Variants in ANGPT1 observed in about 807,000 individuals in gnomAD.
ANGPT1 encodes the protein angiopoietin-1.
Under a neutral mutation model 62.2 loss-of-function variants are expected in ANGPT1, and 17 were observed. The ratio of observed to expected loss-of-function variants is 0.27; its 90% CI spans 0.19 to 0.41. ANGPT1 has a LOEUF of 0.41. Among genes scored for constraint, ANGPT1 ranks in the 10% least tolerant of loss-of-function variants. The probability of loss-of-function intolerance (pLI) is 1.00; values close to 1 mark genes in which losing one functional copy is unlikely to be tolerated. For missense variants in ANGPT1, 478 were observed against 594.9 expected (o/e 0.80, Z 2.04); for synonymous variants, 199 against 198.9 (o/e 1.00, Z 0.00).
chr8:107,273,351 C>G (rs1020479299), intron 7 of ANGPT1, among the ~76,000 whole-genome samples: 1 of 152,042 alleles, frequency 6.6e-6, no homozygotes, highest in African/African-American at 2.4e-5. Flanking sequence ...CCTTGTTGTA[C>G]TTGGACATTG....
chr8:107,422,431 A>T (rs1810917279), intron 1 of ANGPT1, among the ~76,000 whole-genome samples: 1 of 152,194 alleles, frequency 6.6e-6, no homozygotes, highest in Admixed American at 6.5e-5. Context: ...GTGTTCACAG[A>T]ATAACTTTCA....
intron 1 of ANGPT1, among the ~76,000 whole-genome samples, chr8:107,373,257 C>T (rs1816451687): frequency 1.5e-5 from 2 of 131,302 alleles, no homozygotes; most frequent in Admixed American, 1.8e-4. Flanking sequence ...TATTTTTAGT[C>T]AAGTACAAAA....
chr8:107,321,869 A>G, intron 4 of ANGPT1, 27 bp downstream of exon 4: 1 of 1,590,270 alleles, frequency 6.3e-7, no homozygotes. Context: ...AATATTAACA[A>G]TACCAAAGTG....
chr8:107,360,446 C>T (rs940853955), intron 1 of ANGPT1, among the ~76,000 whole-genome samples: 1 of 152,096 alleles, frequency 6.6e-6, no homozygotes, highest in African/African-American at 2.4e-5. Flanking sequence ...CTTTGATGCC[C>T]GGGTCACTCT....
chr8:107,350,598 C>T (rs1815912011), intron 1 of ANGPT1, among the ~76,000 whole-genome samples: 1 of 152,108 alleles, frequency 6.6e-6, no homozygotes, highest in African/African-American at 2.4e-5. Context: ...TAAAGTGCCT[C>T]TCAGTTCTGC....
At position 107,288,833 on chromosome 8, in the gene ANGPT1, G is replaced by A. The variant is rs1435686048; in HGVS notation, c.1039-3985C>T. ...AATTCATATTCATGCCTAAAAGACA[G>A]AGTCAACCAATGCATATGCTCCAAA... On this transcript the variant is annotated intron_variant, in intron 6 of 8. Coordinates refer to ENST00000517746, the MANE Select transcript of ANGPT1 (RefSeq NM_001146.5). 2.6e-5 allele frequency among the ~76,000 whole-genome samples: 4 copies of A among 152,146 alleles called. No homozygotes were observed. The East Asian group carries it at 7.7e-4, about 29-fold the overall frequency.
intron 1 of ANGPT1, among the ~76,000 whole-genome samples, chr8:107,414,717 A>T (rs1407609289): frequency 6.6e-6 from 1 of 152,142 alleles, no homozygotes; most frequent in Non-Finnish European, 1.5e-5. Context: ...AGCACTTCCC[A>T]CTTCCAAGTG....
intron 1 of ANGPT1, among the ~76,000 whole-genome samples, chr8:107,405,137 TAC>T: frequency 6.6e-6 from 1 of 152,074 alleles, no homozygotes; most frequent in South Asian, 2.1e-4. Flanking sequence ...CCTACAATTA[TAC>T]CACATTTAAA....
chr8:107,370,572 G>A (rs1378321221), intron 1 of ANGPT1, among the ~76,000 whole-genome samples: 7 of 150,040 alleles, frequency 4.7e-5, no homozygotes, highest in East Asian at 2.0e-4. Context: ...CATGGTGGGC[G>A]TGTGCCTGTG....
chr8:107,264,172 G>A (rs747070730), intron 8 of ANGPT1, 49 bp downstream of exon 8: 2 of 1,572,856 alleles, frequency 1.3e-6, no homozygotes, highest in African/African-American at 2.7e-5. Context: ...GAAACCTTAA[G>A]CCCCAAACCA....
chr8:107,299,848 ATATATT>A (rs1368745815), intron 5 of ANGPT1, among the ~76,000 whole-genome samples: 5 of 92,198 alleles, frequency 5.4e-5, no homozygotes, highest in Non-Finnish European at 1.1e-4. Flanking sequence ...TAGATATACT[ATATATT>A]TAGATATGTA....
At chr8:107,293,011 C>G (rs561801756) in intron 6 of ANGPT1, among the ~76,000 whole-genome samples, 1 of 152,234 alleles carries the variant, frequency 6.6e-6, no homozygotes, top group South Asian at 2.1e-4. Flanking sequence ...ATTCTGTCAG[C>G]AGATTTTAAT....
chr8:107,414,725 G>A (rs970206674), intron 1 of ANGPT1, among the ~76,000 whole-genome samples: 2 of 152,112 alleles, frequency 1.3e-5, no homozygotes, highest in African/African-American at 2.4e-5. Flanking sequence ...CCACTTCCAA[G>A]TGCCCATCTG....
intron 1 of ANGPT1, among the ~76,000 whole-genome samples, chr8:107,409,897 C>T (rs558337098): frequency 8.3e-4 from 127 of 152,112 alleles, no homozygotes; most frequent in African/African-American, 2.5e-3. Flanking sequence ...GGGTCCTGTG[C>T]ATTTTGTATA....
chr8:107,463,174 C>T (rs1326918507), intron 1 of ANGPT1, among the ~76,000 whole-genome samples: 3 of 152,094 alleles, frequency 2.0e-5, no homozygotes, highest in African/African-American at 7.2e-5. Context: ...ATGAAGTAAG[C>T]TGAATGTTGG....
At chr8:107,347,202 C>A in intron 1 of ANGPT1, 105 bp from the exon 2 acceptor site, 1 of 1,182,032 alleles carries the variant, frequency 8.5e-7, no homozygotes, top group Non-Finnish European at 1.2e-6. Context: ...GCAAATCAGC[C>A]ATCTGGCGGG....
rs189616885 is a variant in ANGPT1 at position 107,448,495 on chromosome 8, A to G, written c.297+48767T>C. Among the ~76,000 whole-genome samples the G allele has an allele frequency of 2.0e-4, 30 of 152,288 alleles. No homozygotes were observed. The East Asian group carries it at 5.8e-3, about 29-fold the overall frequency. On this transcript the variant is annotated intron_variant, in intron 1 of 8. Transcript: ENST00000517746. Reference sequence around the variant, plus strand: ...TAGTAAAAGAGCAAAATTTCAGAGGATTGCTAAGCAGAAAAGGGTAATCTC... The same window carrying G: ...TAGTAAAAGAGCAAAATTTCAGAGGGTTGCTAAGCAGAAAAGGGTAATCTC...
At chr8:107,265,227 AT>A (rs1813585048) in intron 7 of ANGPT1, among the ~76,000 whole-genome samples, 1 of 152,118 alleles carries the variant, frequency 6.6e-6, no homozygotes, top group Non-Finnish European at 1.5e-5. Flanking sequence ...TAAAAGGCCT[AT>A]TTACTAACCC....
At chr8:107,455,859 T>C (rs2130464913) in intron 1 of ANGPT1, among the ~76,000 whole-genome samples, 1 of 152,086 alleles carries the variant, frequency 6.6e-6, no homozygotes, top group South Asian at 2.1e-4. Context: ...ATTAGTCTCT[T>C]TTGTCAGTAT....
Sources: gnomAD v4.1 joint callset for allele counts (sites outside exome capture counted in the v4.1 genomes callset) on GRCh38, gnomAD v4.1.1 for gene constraint, MANE v1.5 for transcripts, NCBI Gene and HGNC (gene_info 2026-07-23, HGNC 2026-07-21) for gene names.